ESRRB: variants seen among roughly 807,000 people sequenced by gnomAD.
The protein encoded by ESRRB is steroid hormone receptor ERR2.
A neutral mutation model predicts 46.0 loss-of-function variants in ESRRB; 16 were observed. The ratio of observed to expected loss-of-function variants is 0.35; its 90% CI spans 0.24 to 0.53. ESRRB has a LOEUF of 0.53. Among genes scored for constraint, ESRRB ranks in the 20% least tolerant of loss-of-function variants. The pLI, the probability that ESRRB is intolerant of heterozygous loss-of-function variation, is 0.93. For missense variants in ESRRB, 488 were observed against 607.4 expected, an observed-to-expected ratio of 0.80 and a Z score of 2.07; for synonymous variants, 246 against 259.6, an observed-to-expected ratio of 0.95 and a Z score of 0.50.
chr14:76,396,749 C>T (rs903597376), intron 1 of ESRRB, among the ~76,000 whole-genome samples: 1 of 152,228 alleles, frequency 6.6e-6, no homozygotes, highest in African/African-American at 2.4e-5. Context: ...CAAACCCAGA[C>T]AGAGGCTTAG....
chr14:76,331,152 C>T (rs992246047), intron 1 of ESRRB, among the ~76,000 whole-genome samples: 3 of 152,142 alleles, frequency 2.0e-5, no homozygotes, highest in Non-Finnish European at 2.9e-5. Context: ...TCCCAAATCC[C>T]GGCCATGTGA....
chr14:76,416,131 C>CT (rs1219098550), intron 1 of ESRRB, among the ~76,000 whole-genome samples: 2 of 145,966 alleles, frequency 1.4e-5, no homozygotes, highest in South Asian at 4.3e-4. Flanking sequence ...GTACCATTTT[C>CT]CCTTTTTTTT....
chr14:76,449,054 A>C (rs1401604512), intron 2 of ESRRB, among the ~76,000 whole-genome samples: 1 of 152,150 alleles, frequency 6.6e-6, no homozygotes, highest in Non-Finnish European at 1.5e-5. Context: ...GTTAATTGAA[A>C]TTTTATGAGA....
chr14:76,479,304 T>C lies in ESRRB; in HGVS notation c.578-2712T>C, dbSNP rs571523480. Among the ~76,000 whole-genome samples the C allele has an allele frequency of 2.0e-5, 3 of 152,258 alleles. No individual in the cohort carries two copies. In the South Asian group the frequency reaches 6.2e-4, roughly 32 times the overall value. ...TAGGCTTTCTTTGGCCACCAGAGTC[T>C]GCTCAGCCTGGACCTGGGAGGCAGG... On this transcript the variant is annotated intron_variant, in intron 3 of 6. Coordinates refer to ENST00000644823, the MANE Select transcript of ESRRB (RefSeq NM_001379180.1).
intron 1 of ESRRB, among the ~76,000 whole-genome samples, chr14:76,393,967 A>ATTTTTTTTTTTTTT (rs71122531): frequency 2.6e-3 from 329 of 126,920 alleles, no homozygotes; most frequent in Non-Finnish European, 4.3e-3. Flanking sequence ...TGCCTGGCTA[A>ATTTTTTTTTTTTTT]TTTTTTTTTT....
Position 76,439,570 on chromosome 14 carries a change from C to T in ESRRB, c.280C>T (p.Arg94Cys), listed in dbSNP as rs1266043578. The change falls in exon 2 of 7, where the codon CGC becomes TGC. Residue 94 changes from arginine to cysteine, a missense_variant. Coordinates refer to ENST00000644823, the MANE Select transcript of ESRRB (RefSeq NM_001379180.1). Reference protein sequence around the residue: ...AGAGLGGTPCRKSYEDCASGI... With the variant: ...AGAGLGGTPCCKSYEDCASGI... ...CGCCGGGCTGGGAGGCACCCCATGC[C>T]GCAAGAGCTACGAGGACTGTGCCAG... 6 of 1,614,110 alleles carry T rather than the reference C, an allele frequency of 3.7e-6. No homozygotes were observed. Among genetic ancestry groups the T allele is most frequent in the East Asian group, 4.5e-5 (2 of 44,876 alleles).
chr14:76,490,970 G>C (rs1890200817), intron 5 of ESRRB, among the ~76,000 whole-genome samples: 1 of 152,134 alleles, frequency 6.6e-6, no homozygotes, highest in African/African-American at 2.4e-5. Context: ...CTGCACAGCT[G>C]AGACTGCATC....
At chr14:76,421,452 G>T (rs1346282836) in intron 1 of ESRRB, among the ~76,000 whole-genome samples, 1 of 152,200 alleles carries the variant, frequency 6.6e-6, no homozygotes, top group Non-Finnish European at 1.5e-5. Context: ...CATAGCAAGT[G>T]CTTAAAAAGA....
intron 1 of ESRRB, among the ~76,000 whole-genome samples, chr14:76,362,037 A>C (rs1191312520): frequency 2.0e-5 from 3 of 152,186 alleles, no homozygotes; most frequent in Non-Finnish European, 4.4e-5. Flanking sequence ...GAGTCTTACC[A>C]AATCTGAGCA....
chr14:76,465,783 C>G (rs909392138), intron 3 of ESRRB, among the ~76,000 whole-genome samples: 2 of 152,240 alleles, frequency 1.3e-5, no homozygotes, highest in Non-Finnish European at 2.9e-5. Flanking sequence ...CTCCCTCCCC[C>G]ACTCCCCGCC....
intron 1 of ESRRB, among the ~76,000 whole-genome samples, chr14:76,393,146 T>G (rs886449154): frequency 1.3e-5 from 2 of 152,196 alleles, no homozygotes; most frequent in African/African-American, 4.8e-5. Flanking sequence ...GTTTGTGGGT[T>G]TATCTCCCTT....
In ESRRB at chr14:76,358,323, A is replaced by G. The variant is rs566781104; in HGVS notation, c.2+47407A>G. On this transcript the variant is annotated intron_variant, in intron 1 of 6. Coordinates refer to the ESRRB transcript ENST00000512784. ...CAAGACTCTGTCTCAAAAAAAAAAA[A>G]AAAGAAAGAAAGAAAGAAAGAAAGA... is the stretch of plus-strand genomic sequence containing the variant. 1.4e-3 allele frequency among the ~76,000 whole-genome samples: 76 copies of G among 53,070 alleles called. 2 individuals are homozygous for G. Among genetic ancestry groups the G allele is most frequent in the African/African-American group, 2.9e-3 (45 of 15,690 alleles). 34.8% of individuals were successfully genotyped at this position (53,070 alleles called of 152,430 possible). A position where few individuals can be genotyped will look rare whatever the true frequency, so the allele number is the denominator to read the frequency against.
chr14:76,396,027 GC>G lies in ESRRB; in HGVS notation c.50+19577del, dbSNP rs1419689298. Among the ~76,000 whole-genome samples the G allele has an allele frequency of 5.9e-5, 9 of 152,046 alleles. No individual in the cohort carries two copies. In the South Asian group the frequency reaches 6.2e-4, roughly 11 times the overall value. On this transcript the variant is annotated intron_variant, in intron 1 of 6. Transcript: ENST00000644823. ...GTCTTTACTAAAAATACAAAAACTA[GC>G]TGGGCATGGTGGTGCGTGCCTGTAG...
intron 2 of ESRRB, among the ~76,000 whole-genome samples, chr14:76,458,840 CTTTTTTTTTTT>C (rs58084859): frequency 7.9e-6 from 1 of 126,272 alleles, no homozygotes; most frequent in Non-Finnish European, 1.7e-5. Context: ...TCACCCTCTC[CTTTTTTTTTTT>C]TTTTTTTTTT....
chr14:76,373,122 A>G (rs1184746446), upstream of ESRRB, among the ~76,000 whole-genome samples: 2 of 152,140 alleles, frequency 1.3e-5, no homozygotes, highest in East Asian at 1.9e-4. Flanking sequence ...CATCCTCCAC[A>G]TTTACTGCAT....
At chr14:76,439,300 C>G (rs762633938) in intron 1 of ESRRB, 41 bp from the exon 2 acceptor site, 1 of 1,612,414 alleles carries the variant, frequency 6.2e-7, no homozygotes, top group Non-Finnish European at 8.5e-7. Flanking sequence ...ACCACACCCA[C>G]AGCACCTTGC....
chr14:76,381,947 T>C (rs1012159002), intron 1 of ESRRB, among the ~76,000 whole-genome samples: 7 of 152,174 alleles, frequency 4.6e-5, no homozygotes, highest in Non-Finnish European at 7.3e-5. Flanking sequence ...GTACTTGTAT[T>C]TGCCTCTCTA....
intron 2 of ESRRB, among the ~76,000 whole-genome samples, chr14:76,454,929 G>C (rs1175517079): frequency 1.5e-5 from 2 of 135,018 alleles, no homozygotes; most frequent in Non-Finnish European, 1.6e-5. Flanking sequence ...GGAGGCCAAG[G>C]CAGGCAGATC....
At chr14:76,329,827 A>G (rs1883980908) in intron 1 of ESRRB, among the ~76,000 whole-genome samples, 2 of 152,166 alleles carry the variant, frequency 1.3e-5, no homozygotes, top group South Asian at 4.1e-4. Context: ...AAGCGGCCCC[A>G]AAAGCCTGTC....
Sources: allele counts gnomAD v4.1 joint callset (sites outside exome capture counted in the v4.1 genomes callset), GRCh38; gene constraint gnomAD v4.1.1; transcripts MANE v1.5; gene names NCBI Gene and HGNC (gene_info 2026-07-23, HGNC 2026-07-21).